SAMD12: variants seen among roughly 807,000 people sequenced by gnomAD.
The protein encoded by SAMD12 is sterile alpha motif domain-containing protein 12.
In SAMD12, 9 loss-of-function variants were observed where a neutral mutation model predicts 15.0. That is an observed-to-expected ratio of 0.60 (90% confidence interval 0.36 to 1.05). SAMD12 has a LOEUF of 1.05. Among genes scored for constraint, SAMD12 ranks in the 50% least tolerant of loss-of-function variants. The probability of loss-of-function intolerance (pLI) is 0.01; values close to 1 mark genes in which losing one functional copy is unlikely to be tolerated. For synonymous variants in SAMD12, 86 were observed against 90.1 expected (o/e 0.96, Z 0.25); for missense variants, 230 against 234.2 (o/e 0.98, Z 0.12).
At chr8:118,268,736 C>T (rs1004778551) in intron 4 of SAMD12, among the ~76,000 whole-genome samples, 3 of 152,198 alleles carry the variant, frequency 2.0e-5, no homozygotes, top group African/African-American at 4.8e-5. Flanking sequence ...ATCACTTGAA[C>T]GTTGGAGGTG....
At chr8:118,396,301 C>T (rs1380600783) in intron 3 of SAMD12, among the ~76,000 whole-genome samples, 2 of 152,072 alleles carry the variant, frequency 1.3e-5, no homozygotes, top group African/African-American at 2.4e-5. Context: ...TTAAATTAGG[C>T]AGTAAATTAG....
At chr8:118,592,149 C>T (rs891051128) in intron 1 of SAMD12, among the ~76,000 whole-genome samples, 6 of 152,110 alleles carry the variant, frequency 3.9e-5, no homozygotes, top group Non-Finnish European at 7.3e-5. Context: ...TGGAGAAACC[C>T]TGTCTCTACT....
At chr8:118,474,589 G>A (rs1823902156) in intron 2 of SAMD12, among the ~76,000 whole-genome samples, 1 of 151,364 alleles carries the variant, frequency 6.6e-6, no homozygotes, top group Admixed American at 6.6e-5. Flanking sequence ...GTTTCACCAT[G>A]TTGGTCAGGC....
intron 3 of SAMD12, among the ~76,000 whole-genome samples, chr8:118,433,426 T>G (rs1036571565): frequency 8.4e-4 from 127 of 151,462 alleles, no homozygotes; most frequent in Non-Finnish European, 4.6e-4. Context: ...TTTTTTTTTC[T>G]TAAATTGATC....
chr8:118,501,925 G>A (rs1385266898), intron 2 of SAMD12, among the ~76,000 whole-genome samples: 1 of 151,766 alleles, frequency 6.6e-6, no homozygotes, highest in South Asian at 2.1e-4. Flanking sequence ...GCTGAGGCAG[G>A]AGAATGGCAC....
the SAMD12 span, among the ~76,000 whole-genome samples, chr8:118,132,085 T>C: frequency 1.3e-5 from 2 of 152,210 alleles, no homozygotes; most frequent in African/African-American, 4.8e-5. Context: ...TTTGTATTTT[T>C]AAATAAAAGT....
chr8:118,258,885 T>C (rs920668613), intron 4 of SAMD12, among the ~76,000 whole-genome samples: 1 of 152,102 alleles, frequency 6.6e-6, no homozygotes. Context: ...AGAAGGCCTC[T>C]GCTTGACTCA....
chr8:118,460,598 G>A (rs1472175889), intron 2 of SAMD12, among the ~76,000 whole-genome samples: 1 of 152,110 alleles, frequency 6.6e-6, no homozygotes, highest in African/African-American at 2.4e-5. Flanking sequence ...CTAGGACAGA[G>A]GTGCATGAGA....
the SAMD12 span, among the ~76,000 whole-genome samples, chr8:118,145,123 T>A: frequency 6.6e-6 from 1 of 152,214 alleles, no homozygotes; most frequent in African/African-American, 2.4e-5. Context: ...GCATAAGCAG[T>A]AATATTTAAA....
chr8:118,553,350 C>T (rs1310633559), intron 2 of SAMD12, among the ~76,000 whole-genome samples: 1 of 151,930 alleles, frequency 6.6e-6, no homozygotes, highest in Non-Finnish European at 1.5e-5. Context: ...ATCAATGGAA[C>T]AGAACAGAGC....
intron 3 of SAMD12, among the ~76,000 whole-genome samples, chr8:118,404,697 G>A (rs965167632): frequency 6.6e-6 from 1 of 152,204 alleles, no homozygotes; most frequent in African/African-American, 2.4e-5. Context: ...CTAGTGTGAG[G>A]CCTGGGAAAA....
intron 2 of SAMD12, among the ~76,000 whole-genome samples, chr8:118,475,979 G>A (rs975170366): frequency 6.6e-6 from 1 of 152,162 alleles, no homozygotes; most frequent in African/African-American, 2.4e-5. Flanking sequence ...AATTGCCTGT[G>A]AAAATCCTTC....
At chr8:118,595,158 G>A (rs923163448) in intron 1 of SAMD12, among the ~76,000 whole-genome samples, 1 of 152,108 alleles carries the variant, frequency 6.6e-6, no homozygotes, top group African/African-American at 2.4e-5. Flanking sequence ...TGCATCCTAT[G>A]GACGTCTTAA....
intron 2 of SAMD12, among the ~76,000 whole-genome samples, chr8:118,549,937 GATGAAATGA>G (rs1404353701): frequency 3.3e-5 from 5 of 152,060 alleles, no homozygotes; most frequent in African/African-American, 1.2e-4. Flanking sequence ...AGCAATGGAA[GATGAAATGA>G]ATGAAATGAA....
intron 3 of SAMD12, among the ~76,000 whole-genome samples, chr8:118,393,389 C>CATAT (rs36073416): frequency 0.02 from 2,957 of 148,576 alleles, 85 homozygotes; most frequent in African/African-American, 0.067. Context: ...TGTGTATATA[C>CATAT]ATATATATAT....
chr8:118,585,277 G>A (rs943655737), intron 1 of SAMD12, among the ~76,000 whole-genome samples: 1 of 152,168 alleles, frequency 6.6e-6, no homozygotes, highest in African/African-American at 2.4e-5. Context: ...GGCTACACAT[G>A]GGCTGTGGGA....
chr8:118,232,431 A>G (rs1220214983), intron 4 of SAMD12, among the ~76,000 whole-genome samples: 2 of 152,290 alleles, frequency 1.3e-5, no homozygotes, highest in Non-Finnish European at 2.9e-5. Flanking sequence ...ATTTGAGGAC[A>G]TGGAACAGGT....
chr8:118,494,939 C>T (rs1824564570), intron 2 of SAMD12, among the ~76,000 whole-genome samples: 1 of 152,122 alleles, frequency 6.6e-6, no homozygotes, highest in Non-Finnish European at 1.5e-5. Context: ...AATCTGTCAC[C>T]TGTGTCATCA....
chr8:118,606,262 C>A (rs958360896), intron 1 of SAMD12, among the ~76,000 whole-genome samples: 1 of 152,098 alleles, frequency 6.6e-6, no homozygotes, highest in Non-Finnish European at 1.5e-5. Context: ...CCTGTGCCAT[C>A]CCTTCCAATC....
Sources: allele counts gnomAD v4.1 joint callset (sites outside exome capture counted in the v4.1 genomes callset), GRCh38; gene constraint gnomAD v4.1.1; transcripts MANE v1.5; gene names NCBI Gene and HGNC (gene_info 2026-07-23, HGNC 2026-07-21).